The following TEK variants were observed in gnomAD, a reference collection of about 807,000 sequenced individuals.
The protein encoded by TEK is TEK receptor tyrosine kinase.
Under a neutral mutation model 131.8 loss-of-function variants are expected in TEK, and 43 were observed. That is an observed-to-expected ratio of 0.33 (90% CI 0.26 to 0.42). The LOEUF is 0.42. TEK is among the 10% of genes least tolerant of loss of function. The pLI, the probability that TEK is intolerant of heterozygous loss-of-function variation, is 1.00. For missense variants in TEK, 1,162 were observed against 1,384.4 expected (o/e 0.84, Z 2.55); for synonymous variants, 580 against 491.6 (o/e 1.18, Z -2.38).
At chr9:27,171,884 G>A (rs779229092) in intron 4 of TEK, among the ~76,000 whole-genome samples, 16 of 152,182 alleles carry the variant, frequency 1.1e-4, no homozygotes, top group Non-Finnish European at 2.4e-4. Flanking sequence ...GAAGCAATTT[G>A]CCTTTATTTC....
chr9:27,114,570 C>CA (rs199588889), intron 1 of TEK, among the ~76,000 whole-genome samples: 142 of 129,774 alleles, frequency 1.1e-3, no homozygotes, highest in Admixed American at 2.9e-3. Context: ...GACTCCGTCT[C>CA]AAAAAAAAAT....
intron 1 of TEK, among the ~76,000 whole-genome samples, chr9:27,134,712 TATC>T (rs1822352558): frequency 6.6e-6 from 1 of 152,190 alleles, no homozygotes; most frequent in African/African-American, 2.4e-5. Flanking sequence ...AGGAGTCAGA[TATC>T]ATCATTAAAT....
At chr9:27,111,603 G>A (rs1276576554) in intron 1 of TEK, among the ~76,000 whole-genome samples, 1 of 151,396 alleles carries the variant, frequency 6.6e-6, no homozygotes, top group Non-Finnish European at 1.5e-5. Context: ...CCCATAAGAG[G>A]GCTGGAGGGG....
At chr9:27,177,801 T>C (rs542166749) in intron 6 of TEK, among the ~76,000 whole-genome samples, 1 of 152,304 alleles carries the variant, frequency 6.6e-6, no homozygotes, top group African/African-American at 2.4e-5. Context: ...TTTGTCCATT[T>C]TTTTATCAGG....
chr9:27,190,712 T>C (rs1004265250), intron 10 of TEK, 22 bp downstream of exon 10: 5 of 1,613,708 alleles, frequency 3.1e-6, no homozygotes, highest in Non-Finnish European at 2.5e-6. Context: ...ACAGGATAGA[T>C]GCCAGCTGGG....
At chr9:27,186,444 G>T (rs868485389) in intron 9 of TEK, among the ~76,000 whole-genome samples, 15 of 152,194 alleles carry the variant, frequency 9.9e-5, no homozygotes, top group Admixed American at 2.6e-4. Flanking sequence ...TCTGTAAATA[G>T]TTGCTATCCT....
In TEK at chr9:27,218,945, T is replaced by G. The variant is rs117303570; in HGVS notation, c.3103+128T>G. The G allele has an allele frequency of 8.1e-3, 7,477 of 927,836 alleles. 61 individuals are homozygous for G. The highest frequency in any genetic ancestry group is 0.017 in the South Asian group (1,255 of 73,890). The allele number at this position is 927,836 out of a possible 1,614,324, so 57.5% of individuals were successfully genotyped here. On this transcript the variant is annotated intron_variant, in intron 20 of 22. Transcript: ENST00000380036. ...GGTTCTACCAGATGTGACTTGGAAA[T>G]AGAAACATAGTGTATTAATTCCCAT...
At chr9:27,203,414 C>G (rs2131208360) in intron 13 of TEK, among the ~76,000 whole-genome samples, 1 of 152,320 alleles carries the variant, frequency 6.6e-6, no homozygotes, top group South Asian at 2.1e-4. Flanking sequence ...AATGTGGGAG[C>G]TGCTTATAGA....
chr9:27,120,180 C>T lies in TEK; in HGVS notation c.52+10538C>T, dbSNP rs530599919. ...CAGGAGACAGTCTTTGCCTGCCTCA[C>T]CAGCCTCTCGTGGTTCTCAGTCCCA... On this transcript the variant is annotated intron_variant, in intron 1 of 22. Transcript: ENST00000380036. 1.3e-4 allele frequency among the ~76,000 whole-genome samples: 20 copies of T among 152,316 alleles called. No homozygotes were observed. The East Asian group carries it at 3.9e-3, about 29-fold the overall frequency.
At position 27,217,671 on chromosome 9, in the gene TEK, C is replaced by T; in HGVS notation, c.2992-17C>T. The T allele has an allele frequency of 3.1e-6, 5 of 1,613,260 alleles. No individual in the cohort carries two copies. Among genetic ancestry groups the T allele is most frequent in the Non-Finnish European group, 4.2e-6 (5 of 1,179,286 alleles). On this transcript the variant is annotated splice_polypyrimidine_tract_variant and intron_variant, in intron 18 of 22. Coordinates refer to ENST00000380036, the MANE Select transcript of TEK (RefSeq NM_000459.5). The stretch of plus-strand genomic sequence containing the variant: ...ACCCTGTCCCAGTTAAGTGAAATCT[C>T]ACTTTGTTCTCTCCAGGGAAGGCTC...
At position 27,183,500 on chromosome 9, in the gene TEK, C is replaced by T. The variant is rs779939521; in HGVS notation, c.1072C>T (p.His358Tyr). Reference sequence around the variant, plus strand: ...CCCAAAGATAGTGGATTTGCCAGATCATATAGAAGTAAACAGTGGTAAATT... The same window carrying T: ...CCCAAAGATAGTGGATTTGCCAGATTATATAGAAGTAAACAGTGGTAAATT... Reference protein sequence around the residue: ...MTPKIVDLPDHIEVNSGKFNP... With the variant: ...MTPKIVDLPDYIEVNSGKFNP... Residue 358 changes from histidine to tyrosine, a missense_variant, in exon 8 of 23, where the codon CAT becomes TAT. By Grantham distance (83) the His-to-Tyr change is moderately conservative. Transcript: ENST00000380036. 2 of 1,613,782 alleles carry T rather than the reference C, an allele frequency of 1.2e-6. No homozygotes were observed. Among genetic ancestry groups the T allele is most frequent in the South Asian group, 1.1e-5 (1 of 91,078 alleles).
At position 27,219,698 on chromosome 9, in the gene TEK, T is replaced by G. The variant is rs181791203; in HGVS notation, c.3104-351T>G. On this transcript the variant is annotated intron_variant, in intron 20 of 22. Coordinates refer to ENST00000380036, the MANE Select transcript of TEK (RefSeq NM_000459.5). The stretch of plus-strand genomic sequence containing the variant: ...GGCCATAACTATCATTGATAAAATA[T>G]GAGTTATAAAACTATGGACTTCCAA... Among the ~76,000 whole-genome samples the G allele has an allele frequency of 1.2e-3, 184 of 151,884 alleles. 2 individuals carry two copies. The highest frequency in any genetic ancestry group is 4.1e-3 in the African/African-American group (170 of 41,408).
In TEK at chr9:27,210,840, C is replaced by T. The variant is rs866419746; in HGVS notation, c.2686+1609C>T. ...TGGCTCTTAAAATTTTAAGATAGGC[C>T]GGGCGTGGTGGCTCACGCCTATAAT... On this transcript the variant is annotated intron_variant, in intron 16 of 22. Coordinates refer to ENST00000380036, the MANE Select transcript of TEK (RefSeq NM_000459.5). Among the ~76,000 whole-genome samples the T allele has an allele frequency of 5.3e-5, 8 of 152,094 alleles. No homozygotes were observed. The South Asian group carries it at 1.0e-3, about 20-fold the overall frequency.
intron 7 of TEK, 87 bp from the exon 8 acceptor site, chr9:27,183,372 G>T: frequency 5.5e-6 from 8 of 1,451,590 alleles, no homozygotes; most frequent in South Asian, 1.1e-5. Flanking sequence ...CCCGGTGCAT[G>T]ACTTACTAAA....
At chr9:27,224,017 T>C (rs996889278) in intron 21 of TEK, among the ~76,000 whole-genome samples, 1 of 152,062 alleles carries the variant, frequency 6.6e-6, no homozygotes, top group Non-Finnish European at 1.5e-5. Flanking sequence ...CTAGAAGAAA[T>C]GGATAAATTC....
chr9:27,120,408 C>T (rs888810924), intron 1 of TEK, among the ~76,000 whole-genome samples: 4 of 152,260 alleles, frequency 2.6e-5, no homozygotes, highest in African/African-American at 7.2e-5. Flanking sequence ...TTAACCTCCT[C>T]GCATGGATTA....
intron 17 of TEK, among the ~76,000 whole-genome samples, chr9:27,213,193 C>T (rs945872140): frequency 6.6e-6 from 1 of 152,096 alleles, no homozygotes; most frequent in Non-Finnish European, 1.5e-5. Flanking sequence ...CTCTCTTAGC[C>T]TGGTTTGCCT....
At chr9:27,193,278 C>G (rs1443926883) in intron 11 of TEK, among the ~76,000 whole-genome samples, 1 of 152,156 alleles carries the variant, frequency 6.6e-6, no homozygotes, top group Non-Finnish European at 1.5e-5. Flanking sequence ...ATCAGAATCA[C>G]TCAGAGAGTT....
Position 27,141,016 on chromosome 9 carries a change from G to C in TEK, c.53-16815G>C, listed in dbSNP as rs77054621. 3.3e-5 allele frequency among the ~76,000 whole-genome samples: 5 copies of C among 151,782 alleles called. No individual in the cohort carries two copies. The East Asian group carries it at 9.7e-4, about 29-fold the overall frequency. On this transcript the variant is annotated intron_variant, in intron 1 of 22. Transcript: ENST00000380036. ...TTCGTTAAGTTCTCTGCCTATCTCT[G>C]TTTTTAAGATTTTATGATTTTTGTT...
Sources: gnomAD v4.1 joint callset for allele counts (sites outside exome capture counted in the v4.1 genomes callset) on GRCh38, gnomAD v4.1.1 for gene constraint, MANE v1.5 for transcripts, NCBI Gene and HGNC (gene_info 2026-07-23, HGNC 2026-07-21) for gene names.